STIM2: variants seen among roughly 807,000 people sequenced by gnomAD.
STIM2 encodes the protein stromal interaction molecule 2.
STIM2 carries 31 observed loss-of-function variants against 85.8 expected under a neutral mutation model. That is an observed-to-expected ratio of 0.36 (90% CI 0.27 to 0.49). STIM2 has a LOEUF of 0.49. Among genes scored for constraint, STIM2 ranks in the 20% least tolerant of loss-of-function variants. The pLI is 0.98. For synonymous variants in STIM2, 356 were observed against 331.1 expected (o/e 1.08, Z -0.82); for missense variants, 841 against 927.6 (o/e 0.91, Z 1.21).
chr4:26,866,569 A>C (rs144432277), intron 1 of STIM2, among the ~76,000 whole-genome samples: 55 of 152,254 alleles, frequency 3.6e-4, no homozygotes, highest in Non-Finnish European at 3.4e-4. Context: ...ATAGGGGATA[A>C]ATACTTTTCT....
intron 1 of STIM2, among the ~76,000 whole-genome samples, chr4:26,888,204 C>T (rs1010592251): frequency 2.0e-5 from 3 of 152,208 alleles, no homozygotes; most frequent in Non-Finnish European, 4.4e-5. Context: ...CCATCCTTGT[C>T]AACTTGGCGC....
intron 10 of STIM2, among the ~76,000 whole-genome samples, chr4:27,009,928 G>C (rs1234471850): frequency 2.0e-5 from 3 of 152,160 alleles, no homozygotes; most frequent in Admixed American, 6.5e-5. Context: ...TATCTGAATT[G>C]TGCATGAAAG....
intron 1 of STIM2, among the ~76,000 whole-genome samples, chr4:26,918,867 T>A (rs1256956400): frequency 1.3e-5 from 2 of 152,182 alleles, no homozygotes; most frequent in African/African-American, 4.8e-5. Flanking sequence ...AAAGATAACA[T>A]GAAGAACAAG....
intron 2 of STIM2, among the ~76,000 whole-genome samples, chr4:26,944,921 G>A (rs1725757030): frequency 6.6e-6 from 1 of 152,140 alleles, no homozygotes; most frequent in Non-Finnish European, 1.5e-5. Flanking sequence ...GGAATAGAGA[G>A]TATTTGGGAA....
intron 1 of STIM2, among the ~76,000 whole-genome samples, chr4:26,892,633 G>A (rs1723538140): frequency 6.6e-6 from 1 of 152,068 alleles, no homozygotes; most frequent in South Asian, 2.1e-4. Flanking sequence ...TAGAGTAATT[G>A]CAGTTTCTTG....
intron 3 of STIM2, among the ~76,000 whole-genome samples, chr4:26,991,695 A>G (rs1727772136): frequency 6.6e-6 from 1 of 152,148 alleles, no homozygotes; most frequent in Non-Finnish European, 1.5e-5. Flanking sequence ...CAACATATGT[A>G]TAACATCAAT....
At chr4:26,965,110 C>A (rs746465254) in intron 3 of STIM2, among the ~76,000 whole-genome samples, 4 of 152,112 alleles carry the variant, frequency 2.6e-5, no homozygotes, top group African/African-American at 4.8e-5. Context: ...AGGGGAAGCT[C>A]TTATTATAGC....
chr4:26,874,107 C>T (rs1577407776), intron 1 of STIM2: 2 of 569,130 alleles, frequency 3.5e-6, no homozygotes, highest in Non-Finnish European at 6.8e-6. Flanking sequence ...AGCTTGGAGG[C>T]TCTGCTGCCC....
At chr4:26,877,950 A>G (rs945677915) in intron 1 of STIM2, among the ~76,000 whole-genome samples, 1 of 152,140 alleles carries the variant, frequency 6.6e-6, no homozygotes, top group Non-Finnish European at 1.5e-5. Context: ...CTCTTTGCCC[A>G]TCTGCCATGT....
chr4:26,977,082 G>A (rs919559304), intron 3 of STIM2, among the ~76,000 whole-genome samples: 1 of 152,198 alleles, frequency 6.6e-6, no homozygotes, highest in African/African-American at 2.4e-5. Context: ...CAAGGAAGAA[G>A]TCCCCCAAGA....
At chr4:26,995,079 A>G (rs911982546) in intron 3 of STIM2, among the ~76,000 whole-genome samples, 2 of 152,118 alleles carry the variant, frequency 1.3e-5, no homozygotes, top group Non-Finnish European at 2.9e-5. Flanking sequence ...ATGAACAAGT[A>G]TGTATCTGGT....
At chr4:26,995,947 A>G (rs1727947917) in intron 4 of STIM2, among the ~76,000 whole-genome samples, 1 of 152,118 alleles carries the variant, frequency 6.6e-6, no homozygotes, top group South Asian at 2.1e-4. Flanking sequence ...AATAAAAAAT[A>G]GCAACCATTT....
intron 1 of STIM2, chr4:26,881,424 C>G (rs975470442): frequency 3.3e-5 from 5 of 149,332 alleles, no homozygotes; most frequent in African/African-American, 1.2e-4. Flanking sequence ...TGAGATTGCA[C>G]TGCTGCACTC....
At chr4:26,938,888 C>A (rs1462007674) in intron 2 of STIM2, among the ~76,000 whole-genome samples, 1 of 152,074 alleles carries the variant, frequency 6.6e-6, no homozygotes, top group African/African-American at 2.4e-5. Flanking sequence ...TTCTTCATAA[C>A]ATGTTTAGGC....
intron 2 of STIM2, among the ~76,000 whole-genome samples, chr4:26,945,393 C>T (rs181736418): frequency 4.2e-4 from 64 of 152,134 alleles, no homozygotes; most frequent in African/African-American, 1.3e-3. Flanking sequence ...GTGAATTGTA[C>T]TGCAGTGAAC....
chr4:27,017,618 A>T, intron 10 of STIM2, 93 bp from the exon 11 acceptor site: 1 of 1,451,846 alleles, frequency 6.9e-7, no homozygotes, highest in Non-Finnish European at 9.5e-7. Flanking sequence ...GTGACATATT[A>T]GTGACATCAG....
chr4:26,947,632 G>C (rs939117592), intron 2 of STIM2, among the ~76,000 whole-genome samples: 5 of 152,074 alleles, frequency 3.3e-5, no homozygotes, highest in African/African-American at 1.2e-4. Context: ...TGCCACGAGG[G>C]CCAACACGTG....
intron 3 of STIM2, among the ~76,000 whole-genome samples, chr4:26,982,564 A>G (rs1447158299): frequency 6.6e-6 from 1 of 151,918 alleles, no homozygotes; most frequent in South Asian, 2.1e-4. Flanking sequence ...GCTCTTCCCT[A>G]CTTATTGGCA....
At position 26,999,281 on chromosome 4, in the gene STIM2, G is replaced by T; in HGVS notation, c.559G>T (p.Asp187Tyr). ...TATGATCTCCCAGTTGAAAATCAGT[G>T]ACCGGAGTCACAGACAAAAACTTCA... The change falls in exon 5 of 12, where the codon GAC becomes TAC. Residue 187 changes from aspartate to tyrosine, a missense_variant. Asp to Tyr is a radical substitution (Grantham distance 160). Coordinates refer to ENST00000467087, the MANE Select transcript of STIM2 (RefSeq NM_020860.4). 6.2e-7 allele frequency: 1 copy of T among 1,609,526 alleles called. No individual in the cohort carries two copies. The highest frequency in any genetic ancestry group is 1.1e-5 in the South Asian group (1 of 90,566).
Sources: gnomAD v4.1 joint callset for allele counts (sites outside exome capture counted in the v4.1 genomes callset) on GRCh38, gnomAD v4.1.1 for gene constraint, MANE v1.5 for transcripts, NCBI Gene and HGNC (gene_info 2026-07-23, HGNC 2026-07-21) for gene names.